The following PARG variants were observed in gnomAD, a reference collection of about 807,000 sequenced individuals.
PARG encodes the protein poly(ADP-ribose) glycohydrolase, also known as mitochondrial poly(ADP-ribose) glycohydrolase.
PARG carries 35 observed loss-of-function variants against 113.0 expected under a neutral mutation model. The observed-to-expected ratio is 0.31, with a 90% CI of 0.24 to 0.41. PARG has a LOEUF of 0.41. PARG is among the 10% of genes least tolerant of loss of function. PARG has a pLI of 1.00. For synonymous variants in PARG, 330 were observed against 409.9 expected, an observed-to-expected ratio of 0.81 and a Z score of 2.36; for missense variants, 797 against 1,169.4, an observed-to-expected ratio of 0.68 and a Z score of 4.64.
At chr10:49,838,578 A>G (rs1184879707) in intron 15 of PARG, among the ~76,000 whole-genome samples, 3 of 152,132 alleles carry the variant, frequency 2.0e-5, no homozygotes, top group Non-Finnish European at 1.5e-5. Flanking sequence ...TCTAAATGAG[A>G]GACAAGAAAA....
At chr10:49,861,111 C>G (rs1588910322) in intron 12 of PARG, among the ~76,000 whole-genome samples, 1 of 152,304 alleles carries the variant, frequency 6.6e-6, no homozygotes, top group Admixed American at 6.5e-5. Flanking sequence ...GAGAGAGAGG[C>G]CTTTCTTATC....
intron 9 of PARG, among the ~76,000 whole-genome samples, chr10:49,870,779 ACCAGAGAC>A (rs1846756200): frequency 9.3e-6 from 1 of 107,318 alleles, no homozygotes; most frequent in African/African-American, 3.6e-5. Flanking sequence ...TGACTTTAAA[ACCAGAGAC>A]CCTTCAAGTA....
chr10:49,913,061 T>G (rs1409170836), intron 7 of PARG, among the ~76,000 whole-genome samples: 2 of 152,338 alleles, frequency 1.3e-5, no homozygotes, highest in East Asian at 3.9e-4. Flanking sequence ...CAAACAATTG[T>G]TTCCCTTGCG....
chr10:49,913,273 T>C (rs1451121390), intron 7 of PARG, among the ~76,000 whole-genome samples: 2 of 152,194 alleles, frequency 1.3e-5, no homozygotes, highest in African/African-American at 2.4e-5. Flanking sequence ...ACACTGATAA[T>C]GACAGAATAG....
intron 7 of PARG, among the ~76,000 whole-genome samples, chr10:49,894,162 G>A (rs1309146625): frequency 6.6e-6 from 1 of 151,392 alleles, no homozygotes; most frequent in Admixed American, 6.6e-5. Flanking sequence ...GCCTCCCAAG[G>A]AGCTGGGACC....
intron 12 of PARG, among the ~76,000 whole-genome samples, chr10:49,859,733 A>C (rs1280818122): frequency 6.6e-6 from 1 of 152,356 alleles, no homozygotes; most frequent in African/African-American, 2.4e-5. Context: ...TTTGAATAAA[A>C]GGCCCACATT....
intron 7 of PARG, among the ~76,000 whole-genome samples, chr10:49,893,405 C>T (rs566232104): frequency 8.5e-5 from 13 of 152,146 alleles, no homozygotes; most frequent in Non-Finnish European, 1.8e-4. Context: ...CATTTTCTAG[C>T]GAGGTTGGCT....
At chr10:49,886,269 G>A (rs1230920590) in intron 7 of PARG, among the ~76,000 whole-genome samples, 9 of 152,308 alleles carry the variant, frequency 5.9e-5, no homozygotes, top group Middle Eastern at 3.4e-3. Context: ...GTTTGGAATC[G>A]ATGAAGAAAC....
Position 49,895,552 on chromosome 10 carries a change from C to T in PARG, c.1738-10257G>A, listed in dbSNP as rs533625551. On this transcript the variant is annotated intron_variant, in intron 7 of 17. Transcript: ENST00000616448. ...CTGACTAGCTGGGAGTATATGTGCC[C>T]GCCACCACGCCTGGCTAATTTTTTT... 7.2e-4 allele frequency among the ~76,000 whole-genome samples: 109 copies of T among 151,986 alleles called. 4 individuals are homozygous for T. The South Asian group carries it at 0.021, about 30-fold the overall frequency.
chr10:49,823,487 G>A (rs1026485540), intron 16 of PARG, among the ~76,000 whole-genome samples: 6 of 152,116 alleles, frequency 3.9e-5, no homozygotes, highest in African/African-American at 1.4e-4. Flanking sequence ...GAGGTGCCAT[G>A]ACTATGCCTC....
At chr10:49,876,201 T>C (rs1422905830) in intron 9 of PARG, among the ~76,000 whole-genome samples, 2 of 150,290 alleles carry the variant, frequency 1.3e-5, no homozygotes, top group Non-Finnish European at 3.0e-5. Context: ...CTGTCTTCTC[T>C]CAGTCTCTGG....
At chr10:49,902,553 T>C (rs1276577787) in intron 7 of PARG, among the ~76,000 whole-genome samples, 2 of 152,190 alleles carry the variant, frequency 1.3e-5, no homozygotes, top group Admixed American at 6.5e-5. Flanking sequence ...TAGTCATTTA[T>C]TGCTACTTAG....
At chr10:49,899,410 A>C (rs1289116497) in intron 7 of PARG, among the ~76,000 whole-genome samples, 1 of 152,236 alleles carries the variant, frequency 6.6e-6, no homozygotes, top group Non-Finnish European at 1.5e-5. Context: ...GTGACAGCTT[A>C]CAAGAAAACA....
intron 7 of PARG, among the ~76,000 whole-genome samples, chr10:49,889,652 T>G (rs1440735582): frequency 5.3e-5 from 8 of 152,232 alleles, no homozygotes. Flanking sequence ...AAGTGCCTAT[T>G]CAACCATGTT....
Position 49,914,648 on chromosome 10 carries a change from T to C in PARG, c.1737+1269A>G, listed in dbSNP as rs140656633. Among the ~76,000 whole-genome samples the C allele has an allele frequency of 5.7e-4, 86 of 152,194 alleles. 1 individual carries two copies. The East Asian group carries it at 0.016, about 28-fold the overall frequency. ...GAATCCAAAAATAGCCAAAACAAAT[T>C]TGAAAAAGACCAAAGCTACAGGACA... On this transcript the variant is annotated intron_variant, in intron 7 of 17. Transcript: ENST00000616448.
chr10:49,931,295 C>T (rs1477144562), intron 4 of PARG, among the ~76,000 whole-genome samples: 3 of 152,006 alleles, frequency 2.0e-5, no homozygotes, highest in Non-Finnish European at 4.4e-5. Flanking sequence ...AAAAGAAACC[C>T]CCTTCTTGCC....
chr10:49,844,335 A>T (rs1385872340), intron 13 of PARG, among the ~76,000 whole-genome samples: 1 of 150,390 alleles, frequency 6.6e-6, no homozygotes, highest in Non-Finnish European at 1.5e-5. Context: ...CAAAGAAGAC[A>T]CTACTGGCCA....
rs777612279 is a variant in PARG, at chr10:49,908,286, T to C, written c.1737+7631A>G. On this transcript the variant is annotated intron_variant, in intron 7 of 17. Transcript: ENST00000616448. ...ATAAATATGAGACCATCAACATATG[T>C]CCCAATTCAAAAGCACTCATTAACC... Among the ~76,000 whole-genome samples the C allele has an allele frequency of 3.6e-4, 55 of 152,298 alleles. 1 individual carries two copies. The highest frequency in any genetic ancestry group is 3.8e-4 in the Non-Finnish European group (26 of 67,998).
In PARG at chr10:49,922,397, C is replaced by T. The variant is rs1202387567; in HGVS notation, c.1601G>A (p.Ser534Asn). 6 of 1,608,138 alleles carry T rather than the reference C, an allele frequency of 3.7e-6. No individual in the cohort carries two copies. In the Admixed American group the frequency reaches 5.0e-5, roughly 14 times the overall value. ...TGCAGTCTGAATGAGCTCCCACCGG[C>T]TCCCCGCAGTTCGCTCACCATTCTT... The part of the protein sequence containing the change: ...EDENGERTAG[S>N]RWELIQTALL... The change falls in exon 6 of 18, where the codon AGC (serine) becomes AAC (asparagine). Residue 534 changes from serine to asparagine, a missense_variant. Transcript: ENST00000616448.
Sources: allele counts gnomAD v4.1 joint callset (sites outside exome capture counted in the v4.1 genomes callset), GRCh38; gene constraint gnomAD v4.1.1; transcripts MANE v1.5; gene names NCBI Gene and HGNC (gene_info 2026-07-23, HGNC 2026-07-21).